EYS: variants seen among roughly 807,000 people sequenced by gnomAD.
The protein encoded by EYS is protein eyes shut homolog.
A neutral mutation model predicts 282.1 loss-of-function variants in EYS; 250 were observed. The ratio of observed to expected loss-of-function variants is 0.89; its 90% CI spans 0.80 to 0.98. EYS has a LOEUF of 0.98. EYS is among the 50% of genes least tolerant of loss of function. The probability of loss-of-function intolerance (pLI) is 0.00; values close to 1 mark genes in which losing one functional copy is unlikely to be tolerated. For synonymous variants in EYS, 1,355 were observed against 1,282.9 expected, an observed-to-expected ratio of 1.06 and a Z score of -1.20; for missense variants, 4,016 against 3,709.0, an observed-to-expected ratio of 1.08 and a Z score of -2.15.
chr6:63,973,668 C>T (rs1432533139), intron 35 of EYS, among the ~76,000 whole-genome samples: 2 of 152,112 alleles, frequency 1.3e-5, no homozygotes, highest in African/African-American at 4.8e-5. Flanking sequence ...CATATCCCAG[C>T]ACAGACAACA....
intron 30 of EYS, among the ~76,000 whole-genome samples, chr6:64,304,049 A>G (rs1452654671): frequency 6.6e-6 from 1 of 152,148 alleles, no homozygotes; most frequent in Non-Finnish European, 1.5e-5. Flanking sequence ...CAATGTGGCA[A>G]TGTTAATTAC....
At chr6:64,548,202 G>A (rs983753541) in intron 26 of EYS, among the ~76,000 whole-genome samples, 1 of 152,184 alleles carries the variant, frequency 6.6e-6, no homozygotes, top group Admixed American at 6.5e-5. Context: ...GGCTGCGAGG[G>A]CTGTCAGCAC....
chr6:65,241,504 C>T (rs1767057459), intron 12 of EYS, among the ~76,000 whole-genome samples: 1 of 152,032 alleles, frequency 6.6e-6, no homozygotes, highest in African/African-American at 2.4e-5. Flanking sequence ...AAAATCAAGA[C>T]CCACCTAATT....
chr6:64,466,299 C>G (rs1775915271), intron 26 of EYS, among the ~76,000 whole-genome samples: 1 of 152,014 alleles, frequency 6.6e-6, no homozygotes, highest in African/African-American at 2.4e-5. Context: ...ATACCTGCAC[C>G]CCCATGTTTA....
intron 1 of EYS, among the ~76,000 whole-genome samples, chr6:65,683,266 T>C (rs1768897332): frequency 6.6e-6 from 1 of 151,976 alleles, no homozygotes. Flanking sequence ...TGATGAAAAA[T>C]AGTCTAAAGT....
At chr6:64,703,837 C>T (rs902804824) in intron 22 of EYS, among the ~76,000 whole-genome samples, 5 of 152,040 alleles carry the variant, frequency 3.3e-5, no homozygotes, top group Non-Finnish European at 7.4e-5. Context: ...AACTATTCTA[C>T]CAAAATTCAA....
intron 2 of EYS, among the ~76,000 whole-genome samples, chr6:65,508,058 T>C (rs1766723266): frequency 6.6e-6 from 1 of 152,144 alleles, no homozygotes; most frequent in Admixed American, 6.5e-5. Context: ...AGGCCTCTAA[T>C]GTGGAGATCT....
chr6:64,732,945 G>A (rs1369490344), intron 22 of EYS, among the ~76,000 whole-genome samples: 17 of 152,124 alleles, frequency 1.1e-4, no homozygotes, highest in Admixed American at 1.1e-3. Flanking sequence ...TCTAAATAAA[G>A]CTGACCATCT....
At chr6:65,298,137 T>C (rs1768717684) in intron 11 of EYS, among the ~76,000 whole-genome samples, 1 of 152,066 alleles carries the variant, frequency 6.6e-6, no homozygotes. Context: ...CCTGAGCTAA[T>C]CTCTAGTTTA....
intron 22 of EYS, among the ~76,000 whole-genome samples, chr6:64,770,781 G>T (rs556262981): frequency 6.6e-6 from 1 of 151,826 alleles, no homozygotes; most frequent in African/African-American, 2.4e-5. Context: ...TTTACAAACC[G>T]AAGGTTTAGT....
chr6:64,808,011 T>C (rs1329599220), intron 22 of EYS, among the ~76,000 whole-genome samples: 1 of 147,140 alleles, frequency 6.8e-6, no homozygotes, highest in East Asian at 2.0e-4. Flanking sequence ...CCTTCCTCCC[T>C]CCCTCCTTCC....
chr6:65,321,168 G>T (rs1214829589), intron 11 of EYS, among the ~76,000 whole-genome samples: 3 of 147,522 alleles, frequency 2.0e-5, no homozygotes, highest in African/African-American at 5.0e-5. Context: ...TTTTTTGGCA[G>T]ATGCAGTATT....
chr6:65,596,017 G>A (rs1232239416), intron 2 of EYS, among the ~76,000 whole-genome samples: 1 of 151,964 alleles, frequency 6.6e-6, no homozygotes, highest in Admixed American at 6.6e-5. Flanking sequence ...GAGGAGAGAG[G>A]TCCATCTGAA....
At chr6:64,313,378 C>T (rs1769807397) in intron 29 of EYS, among the ~76,000 whole-genome samples, 1 of 142,496 alleles carries the variant, frequency 7.0e-6, no homozygotes, top group Non-Finnish European at 1.6e-5. Flanking sequence ...AAATGTGGGA[C>T]TATGTGAAAA....
intron 12 of EYS, among the ~76,000 whole-genome samples, chr6:65,103,792 C>T (rs1168971982): frequency 6.6e-6 from 1 of 151,330 alleles, no homozygotes; most frequent in African/African-American, 2.4e-5. Context: ...CTAGCTTGTT[C>T]CTACTATGCT....
intron 29 of EYS, among the ~76,000 whole-genome samples, chr6:64,384,400 A>G (rs916202059): frequency 6.6e-6 from 1 of 152,222 alleles, no homozygotes; most frequent in Non-Finnish European, 1.5e-5. Flanking sequence ...ATAATAGTAC[A>G]TGCAATCACA....
At chr6:64,696,911 G>C (rs775253575) in intron 22 of EYS, among the ~76,000 whole-genome samples, 25 of 152,032 alleles carry the variant, frequency 1.6e-4, no homozygotes, top group Non-Finnish European at 2.8e-4. Context: ...AAACTTACAA[G>C]TTATATAAAG....
At chr6:64,686,697 G>A (rs565446591) in intron 22 of EYS, among the ~76,000 whole-genome samples, 16 of 143,362 alleles carry the variant, frequency 1.1e-4, no homozygotes, top group East Asian at 2.0e-4. Context: ...AGCCAAGATC[G>A]CACCACTGCA....
intron 11 of EYS, among the ~76,000 whole-genome samples, chr6:65,317,071 T>A (rs1387807792): frequency 6.6e-6 from 1 of 152,062 alleles, no homozygotes; most frequent in Non-Finnish European, 1.5e-5. Flanking sequence ...TCTTTATGTT[T>A]GTAAGGCTTA....
Sources: gnomAD v4.1 joint callset for allele counts (sites outside exome capture counted in the v4.1 genomes callset) on GRCh38, gnomAD v4.1.1 for gene constraint, MANE v1.5 for transcripts, NCBI Gene and HGNC (gene_info 2026-07-23, HGNC 2026-07-21) for gene names.